Variants in DZANK1 observed in about 807,000 individuals in gnomAD.
The protein encoded by DZANK1 is double zinc ribbon and ankyrin repeat-containing protein 1.
In DZANK1, 91 loss-of-function variants were observed where a neutral mutation model predicts 94.5. The observed-to-expected ratio is 0.96, with a 90% confidence interval of 0.81 to 1.15. The LOEUF is 1.15. Among genes scored for constraint, DZANK1 ranks in the 50% most tolerant of loss-of-function variants. The pLI is 0.00. For missense variants in DZANK1, 903 were observed against 916.4 expected, an observed-to-expected ratio of 0.99 and a Z score of 0.19; for synonymous variants, 312 against 325.3, an observed-to-expected ratio of 0.96 and a Z score of 0.44.
At chr20:18,409,388 T>C (rs1254635220) in intron 13 of DZANK1, among the ~76,000 whole-genome samples, 1 of 152,108 alleles carries the variant, frequency 6.6e-6, no homozygotes, top group Non-Finnish European at 1.5e-5. Flanking sequence ...AGACAGTAGA[T>C]CAACGTATTC....
rs201362692 is a variant in DZANK1 at position 18,460,240 on chromosome 20, C to T, written c.176G>A (p.Gly59Asp). 8.6e-5 allele frequency: 137 copies of T among 1,594,598 alleles called. 1 individual carries two copies. The African/African-American group carries it at 1.7e-3, about 20-fold the overall frequency. ...CTTAAATGTGTTATTTTCCCCATAA[C>T]CAATTCTCTTTAGAAATTCAGGTTT... Residue 59 changes from glycine to aspartate, a missense_variant, in exon 3 of 21, where the codon GGT (glycine) becomes GAT (aspartate). Physicochemically the swap from Gly to Asp is moderately conservative, Grantham distance 94. Transcript: ENST00000262547.
intron 13 of DZANK1, among the ~76,000 whole-genome samples, chr20:18,411,982 C>A (rs191197668): frequency 6.6e-6 from 1 of 152,246 alleles, no homozygotes; most frequent in East Asian, 1.9e-4. Context: ...TCCCTCCAGC[C>A]CTTTCATAAG....
At chr20:18,452,134 C>T (rs746038441) in intron 6 of DZANK1, among the ~76,000 whole-genome samples, 8 of 151,542 alleles carry the variant, frequency 5.3e-5, no homozygotes, top group Non-Finnish European at 8.8e-5. Flanking sequence ...GAATTTCTGA[C>T]GCTAAACCTT....
At chr20:18,412,773 A>T in exon 13 of DZANK1, 1 of 1,613,936 alleles carries the variant, frequency 6.2e-7, no homozygotes, top group Non-Finnish European at 8.5e-7. Flanking sequence ...AGAGGCCAAC[A>T]GTCTGTGTTC....
At chr20:18,423,235 C>A (rs907875368) in intron 10 of DZANK1, among the ~76,000 whole-genome samples, 6 of 152,136 alleles carry the variant, frequency 3.9e-5, no homozygotes, top group Non-Finnish European at 8.8e-5. Context: ...ACTGTACATG[C>A]CATGATGCTA....
chr20:18,386,598 C>T (rs1040236524), intron 19 of DZANK1, among the ~76,000 whole-genome samples: 2 of 151,772 alleles, frequency 1.3e-5, no homozygotes, highest in African/African-American at 4.8e-5. Flanking sequence ...GAAAATCTCT[C>T]GAAAGATAGA....
intron 4 of DZANK1, among the ~76,000 whole-genome samples, chr20:18,454,860 G>A (rs1275042173): frequency 6.6e-6 from 1 of 152,244 alleles, no homozygotes; most frequent in Non-Finnish European, 1.5e-5. Flanking sequence ...CAGGATAGCA[G>A]TGATAGGGCA....
At chr20:18,383,397 G>T (rs1251851403) in exon 21 of DZANK1, 1 of 152,126 alleles carries the variant, frequency 6.6e-6, no homozygotes. Flanking sequence ...TTTATTGAGA[G>T]CTGATTTGTC....
Position 18,384,193 on chromosome 20 carries a change from GGGATTACA to G in DZANK1, c.*198_*205del, listed in dbSNP as rs370454595. The G allele has an allele frequency of 6.9e-3, 2,673 of 385,274 alleles. 64 individuals carry two copies. The South Asian group carries it at 0.072, about 10-fold the overall frequency. The allele number at this position is 385,274 out of a possible 1,614,324, so 23.9% of individuals were successfully genotyped here. On this transcript the variant is annotated 3_prime_UTR_variant, in exon 21 of 21. Transcript: ENST00000262547. Reference sequence around the variant, plus strand: ...TCCTGCCTCAGCCTCTCGAGTAACTGGGATTACAGGCATGCACCACTACGCCCGACTAA... The same window carrying G: ...TCCTGCCTCAGCCTCTCGAGTAACTGGGCATGCACCACTACGCCCGACTAA...
At position 18,390,376 on chromosome 20, in the gene DZANK1, T is replaced by G; in HGVS notation, c.1890+3A>C. On this transcript the variant is annotated splice_donor_region_variant and intron_variant, in intron 18 of 20. Coordinates refer to ENST00000262547, the Ensembl canonical transcript of DZANK1. ...AGAGACTGGCTCCTTTGGCAACACT[T>G]ACCTCATCCAGCAGCTGTTCAATCA... 7 of 1,613,802 alleles carry G rather than the reference T, an allele frequency of 4.3e-6. No individual in the cohort carries two copies. The highest frequency in any genetic ancestry group is 5.9e-6 in the Non-Finnish European group (7 of 1,179,730).
chr20:18,384,258 C>G (rs1157272973), exon 21 of DZANK1: 9 of 779,240 alleles, frequency 1.2e-5, no homozygotes, highest in Non-Finnish European at 1.8e-5. Context: ...GGGGTTTCTC[C>G]ATGTTGGTCA....
At chr20:18,406,415 G>C (rs2056967476) in intron 13 of DZANK1, among the ~76,000 whole-genome samples, 1 of 152,210 alleles carries the variant, frequency 6.6e-6, no homozygotes, top group Non-Finnish European at 1.5e-5. Context: ...CTAGGCCCTA[G>C]CTCCCAGCTG....
At chr20:18,409,833 GC>G (rs1337432738) in intron 13 of DZANK1, among the ~76,000 whole-genome samples, 1 of 152,088 alleles carries the variant, frequency 6.6e-6, no homozygotes, top group Admixed American at 6.5e-5. Context: ...ACTTCGGGAG[GC>G]CAAGGCGGGT....
intron 17 of DZANK1, among the ~76,000 whole-genome samples, chr20:18,393,481 CAGAGGAAACACAGAGA>C (rs1270857527): frequency 6.6e-6 from 1 of 152,140 alleles, no homozygotes; most frequent in Non-Finnish European, 1.5e-5. Context: ...GAACTGACCC[CAGAGGAAACACAGAGA>C]TGATTCAGGA....
intron 3 of DZANK1, among the ~76,000 whole-genome samples, chr20:18,458,966 A>G (rs2424204): frequency 0.32 from 49,422 of 152,166 alleles, 8,250 homozygotes; most frequent in Admixed American, 0.36. Flanking sequence ...AGTACCTTTC[A>G]GAATAGACAC....
At chr20:18,401,433 C>A (rs1233358589) in intron 13 of DZANK1, among the ~76,000 whole-genome samples, 1 of 152,142 alleles carries the variant, frequency 6.6e-6, no homozygotes, top group Non-Finnish European at 1.5e-5. Context: ...CAAAACACCC[C>A]AAAACTTAGT....
At chr20:18,438,546 A>G (rs6111958) in intron 8 of DZANK1, among the ~76,000 whole-genome samples, 55,531 of 152,084 alleles carry the variant, frequency 0.37, 10,935 homozygotes, top group Middle Eastern at 0.45. Flanking sequence ...AGCTACATAA[A>G]TATCAGAGAA....
At chr20:18,454,391 C>T (rs2424200) in intron 4 of DZANK1, 26,595 of 199,262 alleles carry the variant, frequency 0.13, 2,021 homozygotes, top group Admixed American at 0.18. Flanking sequence ...TCCTCTCTAG[C>T]ATCAGGTTCA....
intron 6 of DZANK1, 107 bp from the exon 7 acceptor site, chr20:18,449,176 C>G: frequency 1.1e-6 from 1 of 880,516 alleles, no homozygotes; most frequent in Non-Finnish European, 1.8e-6. Context: ...GGTGAATACA[C>G]ATAGACATAT....
Sources: allele counts gnomAD v4.1 joint callset (sites outside exome capture counted in the v4.1 genomes callset), GRCh38; gene constraint gnomAD v4.1.1; transcripts MANE v1.5; gene names NCBI Gene and HGNC (gene_info 2026-07-23, HGNC 2026-07-21).